Variants in DMD observed in about 807,000 individuals in gnomAD.
DMD encodes the protein mutant dystrophin.
In DMD, 63 loss-of-function variants were observed where a neutral mutation model predicts 330.1. The ratio of observed to expected loss-of-function variants is 0.19; its 90% CI spans 0.16 to 0.24. DMD has a LOEUF of 0.24. Among genes scored for constraint, DMD ranks in the 10% least tolerant of loss-of-function variants. DMD has a pLI of 1.00. For synonymous variants in DMD, 1,223 were observed against 959.8 expected, an observed-to-expected ratio of 1.27 and a Z score of -5.07; for missense variants, 3,344 against 2,684.1, an observed-to-expected ratio of 1.25 and a Z score of -5.43.
chrX:32,056,842 C>G (rs2096179619), intron 44 of DMD, among the ~76,000 whole-genome samples: 1 of 111,055 alleles, frequency 9.0e-6, no homozygotes, highest in Non-Finnish European at 1.9e-5. Context: ...AACAATACCG[C>G]TGATAAATAT....
intron 51 of DMD, among the ~76,000 whole-genome samples, chrX:31,751,822 A>T (rs1215331832): frequency 6.2e-5 from 7 of 112,578 alleles, no homozygotes; most frequent in Non-Finnish European, 1.9e-5. Flanking sequence ...TAATGGCTTA[A>T]AACAACCCAA....
At chrX:33,339,383 A>G (rs2054301965) in exon 1 of DMD, 6 of 795,351 alleles carry the variant, frequency 7.5e-6, no homozygotes, top group Non-Finnish European at 1.0e-5. Context: ...GCATTCTATT[A>G]CTGCCGACTG....
chrX:32,467,579 T>A (rs2148451426), intron 23 of DMD, among the ~76,000 whole-genome samples: 1 of 109,442 alleles, frequency 9.1e-6, no homozygotes, highest in Non-Finnish European at 1.9e-5. Flanking sequence ...ATATGTGATA[T>A]ATATTACATT....
chrX:31,537,939 A>G (rs2073530290), intron 55 of DMD, among the ~76,000 whole-genome samples: 1 of 112,421 alleles, frequency 8.9e-6, no homozygotes, highest in Non-Finnish European at 1.9e-5. Context: ...GCATTACCCT[A>G]TGGATATCAT....
intron 9 of DMD, among the ~76,000 whole-genome samples, chrX:32,693,042 G>A (rs1305512738): frequency 8.9e-6 from 1 of 112,022 alleles, no homozygotes; most frequent in Non-Finnish European, 1.9e-5. Flanking sequence ...AAGTAATAAT[G>A]AAGGCTCTTA....
intron 41 of DMD, among the ~76,000 whole-genome samples, chrX:32,339,559 T>C (rs1324638701): frequency 3.6e-5 from 4 of 111,549 alleles, no homozygotes; most frequent in African/African-American, 1.3e-4. Flanking sequence ...GGGCGCTGCC[T>C]CATGATTGTT....
intron 61 of DMD, among the ~76,000 whole-genome samples, chrX:31,324,275 C>A (rs773631591): frequency 9.0e-6 from 1 of 110,759 alleles, no homozygotes; most frequent in Non-Finnish European, 1.9e-5. Flanking sequence ...GATATCAGAG[C>A]GTAATAAGAC....
intron 44 of DMD, among the ~76,000 whole-genome samples, chrX:32,139,745 T>C (rs1258183516): frequency 2.7e-5 from 3 of 112,110 alleles, no homozygotes; most frequent in Non-Finnish European, 5.6e-5. Flanking sequence ...ACAGGAAATC[T>C]CTGTACTGTT....
chrX:32,130,108 T>C (rs888875724), intron 44 of DMD, among the ~76,000 whole-genome samples: 4 of 110,175 alleles, frequency 3.6e-5, no homozygotes, highest in African/African-American at 1.3e-4. Context: ...TCTTTACCAA[T>C]GTAATATTAG....
chrX:31,251,381 T>C (rs1484411001), intron 63 of DMD, among the ~76,000 whole-genome samples: 2 of 111,268 alleles, frequency 1.8e-5, no homozygotes, highest in African/African-American at 6.5e-5. Flanking sequence ...GGTAAAGAAA[T>C]CTGTATGTAA....
chrX:32,908,728 C>T (rs2086936593), intron 2 of DMD, among the ~76,000 whole-genome samples: 1 of 111,550 alleles, frequency 9.0e-6, no homozygotes, highest in African/African-American at 3.3e-5. Flanking sequence ...TCTAAAAATA[C>T]TTTGACATCT....
intron 2 of DMD, among the ~76,000 whole-genome samples, chrX:32,999,274 G>A (rs5927125): frequency 0.036 from 4,049 of 111,779 alleles, 129 homozygotes; most frequent in East Asian, 0.2. Context: ...AAACTTTCTT[G>A]AAACATCATG....
At chrX:32,536,168 G>C (rs1423460622) in intron 17 of DMD, among the ~76,000 whole-genome samples, 1 of 106,171 alleles carries the variant, frequency 9.4e-6, no homozygotes, top group Non-Finnish European at 1.9e-5. Flanking sequence ...GGGAGGCTGA[G>C]GCAGGACAAT....
chrX:32,093,216 C>A (rs974157850), intron 44 of DMD, among the ~76,000 whole-genome samples: 3 of 112,197 alleles, frequency 2.7e-5, no homozygotes, highest in Non-Finnish European at 3.8e-5. Flanking sequence ...ATTAAAGCAG[C>A]AATTTCTGTT....
chrX:33,301,097 A>G (rs1274916401), intron 1 of DMD, among the ~76,000 whole-genome samples: 1 of 111,508 alleles, frequency 9.0e-6, no homozygotes, highest in Non-Finnish European at 1.9e-5. Context: ...TAGAAGTAGA[A>G]AAGCAGGAGG....
intron 43 of DMD, among the ~76,000 whole-genome samples, chrX:32,242,348 C>A (rs2097211769): frequency 8.9e-6 from 1 of 111,741 alleles, no homozygotes; most frequent in South Asian, 3.7e-4. Flanking sequence ...TCTCATCACT[C>A]CCCTCCTTTA....
intron 21 of DMD, among the ~76,000 whole-genome samples, chrX:32,474,229 ACACACACT>A (rs2040983415): frequency 9.1e-6 from 1 of 109,663 alleles, no homozygotes; most frequent in Admixed American, 9.8e-5. Flanking sequence ...ACACACACAC[ACACACACT>A]CACCACAGTT....
At chrX:32,058,704 TA>T (rs1293590795) in intron 44 of DMD, among the ~76,000 whole-genome samples, 2 of 109,366 alleles carry the variant, frequency 1.8e-5, no homozygotes, top group African/African-American at 6.6e-5. Context: ...CTCAAAAAAA[TA>T]AAAAATATAA....
At chrX:32,454,265 T>C (rs1443734304) in intron 26 of DMD, among the ~76,000 whole-genome samples, 1 of 111,451 alleles carries the variant, frequency 9.0e-6, no homozygotes, top group Non-Finnish European at 1.9e-5. Flanking sequence ...AGAAATGCCT[T>C]CAAACTACCA....
Sources: allele counts gnomAD v4.1 joint callset (sites outside exome capture counted in the v4.1 genomes callset), GRCh38; gene constraint gnomAD v4.1.1; transcripts MANE v1.5; gene names NCBI Gene and HGNC (gene_info 2026-07-23, HGNC 2026-07-21).